SOX5: variants seen among roughly 807,000 people sequenced by gnomAD.
SOX5 encodes the protein transcription factor SOX-5.
Under a neutral mutation model 92.0 loss-of-function variants are expected in SOX5, and 9 were observed. The observed-to-expected ratio is 0.10, with a 90% CI of 0.06 to 0.17. The LOEUF is 0.17. Among genes scored for constraint, SOX5 ranks in the 10% least tolerant of loss-of-function variants. The pLI is 1.00. For missense variants in SOX5, 642 were observed against 944.5 expected, an observed-to-expected ratio of 0.68 and a Z score of 4.20; for synonymous variants, 344 against 336.3, an observed-to-expected ratio of 1.02 and a Z score of -0.25.
chr12:24,059,942 T>C (rs762592974), intron 4 of SOX5, among the ~76,000 whole-genome samples: 2 of 152,194 alleles, frequency 1.3e-5, no homozygotes, highest in African/African-American at 4.8e-5. Context: ...ATAAAAATGA[T>C]ATAAAAATGT....
At chr12:24,011,292 C>A (rs1399253226) in intron 4 of SOX5, among the ~76,000 whole-genome samples, 1 of 152,162 alleles carries the variant, frequency 6.6e-6, no homozygotes, top group Non-Finnish European at 1.5e-5. Flanking sequence ...CATACACACA[C>A]ACTCAAATTT....
intron 1 of SOX5, among the ~76,000 whole-genome samples, chr12:24,392,318 G>A (rs7297867): frequency 1.3e-5 from 2 of 152,160 alleles, no homozygotes; most frequent in South Asian, 2.1e-4. Flanking sequence ...GACTTACAAT[G>A]GGCTTCCCAT....
At chr12:24,377,431 T>TTTAA (rs1272658963) in intron 1 of SOX5, among the ~76,000 whole-genome samples, 1 of 152,214 alleles carries the variant, frequency 6.6e-6, no homozygotes, top group South Asian at 2.1e-4. Flanking sequence ...ATTACAAATA[T>TTTAA]TTAACATAAC....
At chr12:23,965,002 C>T (rs943356323) in intron 4 of SOX5, among the ~76,000 whole-genome samples, 10 of 151,948 alleles carry the variant, frequency 6.6e-5, no homozygotes, top group East Asian at 3.9e-4. Context: ...CACAGGGGCG[C>T]GTGGTCAGCT....
intron 4 of SOX5, among the ~76,000 whole-genome samples, chr12:23,993,601 T>C (rs12817630): frequency 0.18 from 27,936 of 152,106 alleles, 2,974 homozygotes; most frequent in Non-Finnish European, 0.24. Flanking sequence ...TACTCCTCCA[T>C]TGTGCCAAAG....
chr12:24,284,208 G>A (rs886728358), intron 2 of SOX5, among the ~76,000 whole-genome samples: 1 of 152,180 alleles, frequency 6.6e-6, no homozygotes, highest in Admixed American at 6.5e-5. Flanking sequence ...AGCAGGAGGG[G>A]AGCCACTGCC....
chr12:24,153,324 T>C lies in SOX5; in HGVS notation c.-2+60019A>G, dbSNP rs1951845610. ...ATTCTGGGAGAAGGAGGGGGTGCCC[T>C]TCAGTTTGATAAAGCAAGACCAGAT... On this transcript the variant is annotated intron_variant, in intron 4 of 4. Transcript: ENST00000446891. 2.6e-5 allele frequency among the ~76,000 whole-genome samples: 4 copies of C among 152,124 alleles called. No individual in the cohort carries two copies. The South Asian group carries it at 8.3e-4, about 32-fold the overall frequency.
At chr12:23,825,170 C>A (rs1308818632) in intron 3 of SOX5, among the ~76,000 whole-genome samples, 1 of 152,144 alleles carries the variant, frequency 6.6e-6, no homozygotes, top group African/African-American at 2.4e-5. Context: ...TCAGTGCCTG[C>A]CCAAACGGCT....
intron 4 of SOX5, among the ~76,000 whole-genome samples, chr12:24,029,480 A>G (rs1483388175): frequency 2.0e-5 from 3 of 151,548 alleles, no homozygotes; most frequent in Non-Finnish European, 4.4e-5. Context: ...TCCCTATGTT[A>G]CCCAGGATGG....
At chr12:24,095,122 CACACACAG>C (rs1485302151) in intron 4 of SOX5, among the ~76,000 whole-genome samples, 10 of 93,900 alleles carry the variant, frequency 1.1e-4, no homozygotes, top group Admixed American at 2.3e-4. Context: ...CACACACACA[CACACACAG>C]AGAGAGAGAG....
At chr12:24,244,863 G>C (rs1316892143) in intron 3 of SOX5, among the ~76,000 whole-genome samples, 1 of 152,090 alleles carries the variant, frequency 6.6e-6, no homozygotes, top group Non-Finnish European at 1.5e-5. Context: ...GGCTAATTTT[G>C]TATTTTTAGT....
At chr12:23,932,027 G>T (rs959688941) in intron 1 of SOX5, among the ~76,000 whole-genome samples, 1 of 151,084 alleles carries the variant, frequency 6.6e-6, no homozygotes, top group Non-Finnish European at 1.5e-5. Flanking sequence ...AGCTTTCTGA[G>T]AACAGATTAG....
chr12:24,019,563 A>G (rs750224330), intron 4 of SOX5, among the ~76,000 whole-genome samples: 10 of 152,222 alleles, frequency 6.6e-5, no homozygotes, highest in South Asian at 2.1e-4. Context: ...GCAAACAGCT[A>G]TGTTTATTTC....
At chr12:24,450,465 A>ATTTAT (rs1423445341) in intron 1 of SOX5, among the ~76,000 whole-genome samples, 3 of 144,758 alleles carry the variant, frequency 2.1e-5, no homozygotes, top group South Asian at 4.5e-4. Context: ...TCGAGTGTGT[A>ATTTAT]TTTATTTTAT....
At chr12:24,372,440 A>G (rs765001530) in intron 1 of SOX5, among the ~76,000 whole-genome samples, 10 of 152,202 alleles carry the variant, frequency 6.6e-5, no homozygotes, top group Non-Finnish European at 1.0e-4. Flanking sequence ...AGCTTCATTC[A>G]TGTCCCTGCC....
chr12:24,101,157 A>G (rs1946048587), intron 4 of SOX5, among the ~76,000 whole-genome samples: 1 of 152,090 alleles, frequency 6.6e-6, no homozygotes, highest in Non-Finnish European at 1.5e-5. Context: ...GGAAAACTAA[A>G]CTTCAAACCA....
intron 2 of SOX5, among the ~76,000 whole-genome samples, chr12:24,294,666 G>A (rs541352296): frequency 1.3e-5 from 2 of 152,312 alleles, no homozygotes; most frequent in Admixed American, 1.3e-4. Context: ...ATATCTAAGA[G>A]GGAAGCAATG....
chr12:23,960,417 G>A (rs900144198), intron 4 of SOX5, among the ~76,000 whole-genome samples: 15 of 148,520 alleles, frequency 1.0e-4, no homozygotes, highest in Admixed American at 2.7e-4. Context: ...ATTTATGTTA[G>A]AAATATGCTT....
chr12:24,469,003 T>C (rs2137599512), intron 1 of SOX5, among the ~76,000 whole-genome samples: 1 of 152,334 alleles, frequency 6.6e-6, no homozygotes, highest in South Asian at 2.1e-4. Context: ...CGCACTTTAT[T>C]TCCACTATTA....
Sources: gnomAD v4.1 joint callset for allele counts (sites outside exome capture counted in the v4.1 genomes callset) on GRCh38, gnomAD v4.1.1 for gene constraint, MANE v1.5 for transcripts, NCBI Gene and HGNC (gene_info 2026-07-23, HGNC 2026-07-21) for gene names.